Variants in SIDT2 observed in about 807,000 individuals in gnomAD.
SIDT2 encodes the protein SID1 transmembrane family, member 2.
In SIDT2, 68 loss-of-function variants were observed where a neutral mutation model predicts 114.4. The observed-to-expected ratio is 0.59, with a 90% CI of 0.49 to 0.73. The LOEUF (loss-of-function observed/expected upper bound fraction) is 0.73, where lower values mean the gene tolerates loss of function less well. Among genes scored for constraint, SIDT2 ranks in the 30% least tolerant of loss-of-function variants. The pLI, the probability that SIDT2 is intolerant of heterozygous loss-of-function variation, is 0.00. For synonymous variants in SIDT2, 470 were observed against 438.4 expected, an observed-to-expected ratio of 1.07 and a Z score of -0.90; for missense variants, 918 against 1,097.1, an observed-to-expected ratio of 0.84 and a Z score of 2.31.
chr11:117,183,817 G>C lies in SIDT2; in HGVS notation c.741G>C (p.Val247=), dbSNP rs1308635683. 6.2e-7 allele frequency: 1 copy of C among 1,614,002 alleles called. No individual in the cohort carries two copies. The highest frequency in any genetic ancestry group is 8.5e-7 in the Non-Finnish European group (1 of 1,179,982). Residue 247 remains valine, a synonymous_variant, in exon 7 of 26, where the codon GTG becomes GTC. Coordinates refer to ENST00000324225, the MANE Select transcript of SIDT2 (RefSeq NM_001040455.2). ...DFPSNSFYVV[V]VVKTEDQACG... ...CCAGCAACAGCTTTTATGTGGTGGT[G>C]GTGGTGAAGACCGAAGACCAAGCCT...
At position 117,192,520 on chromosome 11, in the gene SIDT2, T is replaced by C. The variant is rs1400519470; in HGVS notation, c.1982-54T>C. ...CTCCTCAGCTGGCACATCCCAGGGG[T>C]CCAGCAAAGGAGGGTGCCCCGTGCC... On this transcript the variant is annotated intron_variant, in intron 20 of 25. Coordinates refer to ENST00000324225, the MANE Select transcript of SIDT2 (RefSeq NM_001040455.2). The surrounding 1 kb of genome is among the most constrained non-coding windows in gnomAD (Gnocchi z 5.9). 6 of 1,591,636 alleles carry C rather than the reference T, an allele frequency of 3.8e-6. No individual in the cohort carries two copies. The Admixed American group carries it at 8.3e-5, about 22-fold the overall frequency.
rs1311677215 is a variant in SIDT2, at chr11:117,193,927, G to A, written c.2286G>A (p.Ala762=). 19 of 1,613,910 alleles carry A rather than the reference G, an allele frequency of 1.2e-5. No individual in the cohort carries two copies. Among genetic ancestry groups the A allele is most frequent in the East Asian group, 4.5e-5 (2 of 44,878 alleles). The stretch of plus-strand genomic sequence containing the variant: ...GCACCTCCGTGGTCTGGGGCTTCGC[G>A]CTCTTCTTCTTCTTCCAGGGACTCA... ...IVCTSVVWGF[A]LFFFFQGLST... Residue 762 remains alanine (A), a synonymous_variant, in exon 24 of 26, where the codon GCG becomes GCA. Coordinates refer to ENST00000324225, the MANE Select transcript of SIDT2 (RefSeq NM_001040455.2).
Position 117,192,106 on chromosome 11 carries a change from A to G in SIDT2, c.1872+92A>G, listed in dbSNP as rs1056410727. The G allele has an allele frequency of 1.2e-5, 19 of 1,583,082 alleles. No individual in the cohort carries two copies. Among genetic ancestry groups the G allele is most frequent in the Admixed American group, 5.1e-5 (3 of 58,848 alleles). ...GTGCACACCCTCCGCCACCTCCTGC[A>G]TGAGAGATTCCTGCTCCTTCCCTGA... is the stretch of plus-strand genomic sequence containing the variant. On this transcript the variant is annotated intron_variant, in intron 19 of 25. Transcript: ENST00000324225. The surrounding 1 kb of genome is among the most constrained non-coding windows in gnomAD (Gnocchi z 5.9).
intron 4 of SIDT2, 63 bp from the exon 5 acceptor site, chr11:117,182,456 T>A: frequency 1.4e-6 from 2 of 1,467,948 alleles, no homozygotes; most frequent in Middle Eastern, 1.7e-4. Flanking sequence ...ACTATTCCCT[T>A]CTAGAGGGGC....
At position 117,190,877 on chromosome 11, in the gene SIDT2, A is replaced by G. The variant is rs1276406810; in HGVS notation, c.1735+137A>G. On this transcript the variant is annotated intron_variant, in intron 18 of 25. Coordinates refer to ENST00000324225, the MANE Select transcript of SIDT2 (RefSeq NM_001040455.2). The surrounding 1 kb of genome is among the most constrained non-coding windows in gnomAD (Gnocchi z 4.1). Reference sequence around the variant, plus strand: ...CCAAGGCTGGCGTGCCTGGGTGTGCACACATCCTAGCCTATGGAACATGGG... The same window carrying G: ...CCAAGGCTGGCGTGCCTGGGTGTGCGCACATCCTAGCCTATGGAACATGGG... 5 of 672,660 alleles carry G rather than the reference A, an allele frequency of 7.4e-6. No individual in the cohort carries two copies. The East Asian group carries it at 1.3e-4, about 17-fold the overall frequency. The allele number at this position is 672,660 out of a possible 1,614,324, so 41.7% of individuals were successfully genotyped here. A position where few individuals can be genotyped will look rare whatever the true frequency, so the allele number is the denominator to read the frequency against.
At chr11:117,191,060 G>GCCCA in intron 18 of SIDT2, 1 of 190,622 alleles carries the variant, frequency 5.2e-6, no homozygotes, top group East Asian at 1.4e-4. Context: ...GATGGATCAC[G>GCCCA]AGGTCAGGAG....
In SIDT2 at chr11:117,192,233, C is replaced by T. The variant is rs758833719; in HGVS notation, c.1873-21C>T. ...ACTTCCCTCTCCACCCTCACCGCTG[C>T]CCTTGGTGGCCTCCCGACAGGTCTT... On this transcript the variant is annotated intron_variant, in intron 19 of 25. Coordinates refer to ENST00000324225, the MANE Select transcript of SIDT2 (RefSeq NM_001040455.2). The surrounding 1 kb of genome is among the most constrained non-coding windows in gnomAD (Gnocchi z 5.9). 1 of 1,527,700 alleles carries T rather than the reference C, an allele frequency of 6.5e-7. No homozygotes were observed. Among genetic ancestry groups the T allele is most frequent in the Non-Finnish European group, 9.1e-7 (1 of 1,101,536 alleles). 94.6% of individuals were successfully genotyped at this position (1,527,700 alleles called of 1,614,324 possible).
At chr11:117,183,179 A>C (rs541816049) in intron 6 of SIDT2, among the ~76,000 whole-genome samples, 1 of 152,184 alleles carries the variant, frequency 6.6e-6, no homozygotes, top group East Asian at 1.9e-4. Context: ...CCCCGTCTCT[A>C]CTAAAAATAC....
At position 117,193,133 on chromosome 11, in the gene SIDT2, C is replaced by T; in HGVS notation, c.2106-20C>T. On this transcript the variant is annotated intron_variant, in intron 22 of 25. Coordinates refer to ENST00000324225, the MANE Select transcript of SIDT2 (RefSeq NM_001040455.2). ...TGCCCTTGGGCTTCCTGCTTCACCACCCTTCATCCCTCTTGCCAGGGCTGC... is the reference window on the plus strand; with the variant it reads ...TGCCCTTGGGCTTCCTGCTTCACCATCCTTCATCCCTCTTGCCAGGGCTGC... 3 of 1,612,740 alleles carry T rather than the reference C, an allele frequency of 1.9e-6. No individual in the cohort carries two copies. The highest frequency in any genetic ancestry group is 1.7e-6 in the Non-Finnish European group (2 of 1,178,720).
At chr11:117,181,035 T>A (rs1225959554) in intron 1 of SIDT2, among the ~76,000 whole-genome samples, 1 of 152,152 alleles carries the variant, frequency 6.6e-6, no homozygotes, top group Non-Finnish European at 1.5e-5. Flanking sequence ...CACTTCTTGT[T>A]CTCCTGTGTC....
chr11:117,188,980 C>A lies in SIDT2; in HGVS notation c.1278+154C>A. On this transcript the variant is annotated intron_variant, in intron 13 of 25. Transcript: ENST00000324225. The surrounding 1 kb of genome is among the most constrained non-coding windows in gnomAD (Gnocchi z 4.0). The stretch of plus-strand genomic sequence containing the variant: ...CAGATGCCGGGGAAACTAACCTGAC[C>A]TCCAACCCCTTCCGGCCTGATTGGC... 1.0e-6 allele frequency: 1 copy of A among 977,040 alleles called. No homozygotes were observed. Among genetic ancestry groups the A allele is most frequent in the South Asian group, 1.4e-5 (1 of 70,374 alleles). 60.5% of individuals were successfully genotyped at this position (977,040 alleles called of 1,614,324 possible). A position where few individuals can be genotyped will look rare whatever the true frequency, so the allele number is the denominator to read the frequency against.
chr11:117,187,817 C>T (rs2030557241), intron 12 of SIDT2, 118 bp downstream of exon 12: 1 of 939,928 alleles, frequency 1.1e-6, no homozygotes, highest in Non-Finnish European at 1.7e-6. Flanking sequence ...GGCCTGCTGT[C>T]TTCCTAACCC....
chr11:117,179,257 C>T lies in SIDT2; in HGVS notation c.-7C>T. The T allele has an allele frequency of 1.2e-6, 2 of 1,606,504 alleles. No individual in the cohort carries two copies. Among genetic ancestry groups the T allele is most frequent in the East Asian group, 2.2e-5 (1 of 44,724 alleles). The stretch of plus-strand genomic sequence containing the variant: ...ACCACCGCTGCCACTGCCGCCCTGC[C>T]GGGGCCATGTTCGCTCTGGGCTTGC... On this transcript the variant is annotated 5_prime_UTR_variant, in exon 1 of 26. Coordinates refer to ENST00000324225, the MANE Select transcript of SIDT2 (RefSeq NM_001040455.2).
chr11:117,188,240 A>AT lies in SIDT2; in HGVS notation c.1160-466dup, dbSNP rs370961754. ...GAGGGCTCACAGGCATGGGGGTCACATTCTGGCCTCTGGATAAAGGAGAAA... is the reference window on the plus strand; with the variant it reads ...GAGGGCTCACAGGCATGGGGGTCACATTTCTGGCCTCTGGATAAAGGAGAAA... On this transcript the variant is annotated intron_variant, in intron 12 of 25. Coordinates refer to ENST00000324225, the MANE Select transcript of SIDT2 (RefSeq NM_001040455.2). This position sits in a 1 kb window ranked among gnomAD's most constrained non-coding sequence, Gnocchi z 4.0. 199 of 341,536 alleles carry AT rather than the reference A, an allele frequency of 5.8e-4. No individual in the cohort carries two copies. The highest frequency in any genetic ancestry group is 3.9e-3 in the African/African-American group (183 of 46,730). 21.2% of individuals were successfully genotyped at this position (341,536 alleles called of 1,614,324 possible). A position where few individuals can be genotyped will look rare whatever the true frequency, so the allele number is the denominator to read the frequency against.
intron 24 of SIDT2, among the ~76,000 whole-genome samples, chr11:117,195,367 T>A (rs1191162506): frequency 6.6e-6 from 1 of 152,140 alleles, no homozygotes; most frequent in Non-Finnish European, 1.5e-5. Flanking sequence ...AGGTTATGGC[T>A]ACTGTCCCGG....
chr11:117,187,145 C>A, intron 10 of SIDT2: 1 of 1,224,214 alleles, frequency 8.2e-7, no homozygotes, highest in Non-Finnish European at 1.2e-6. Context: ...CTTGAACTTT[C>A]TCTCTCCTTA....
chr11:117,188,048 A>C lies in SIDT2; in HGVS notation c.1159+349A>C. 2 of 517,414 alleles carry C rather than the reference A, an allele frequency of 3.9e-6. 1 individual carries two copies. 32.1% of individuals were successfully genotyped at this position (517,414 alleles called of 1,614,324 possible). ...GTGGGGCCAGAAAGATTCTATGTGCATGGCTTCCCCATGTAATTCCAGTAA... is the reference window on the plus strand; with the variant it reads ...GTGGGGCCAGAAAGATTCTATGTGCCTGGCTTCCCCATGTAATTCCAGTAA... On this transcript the variant is annotated intron_variant, in intron 12 of 25. Transcript: ENST00000324225. The surrounding 1 kb of genome is among the most constrained non-coding windows in gnomAD (Gnocchi z 4.0).
chr11:117,193,144 T>C lies in SIDT2; in HGVS notation c.2106-9T>C, dbSNP rs751005946. 9.9e-6 allele frequency: 16 copies of C among 1,614,014 alleles called. No homozygotes were observed. The highest frequency in any genetic ancestry group is 1.6e-4 in the Middle Eastern group (1 of 6,084). On this transcript the variant is annotated splice_polypyrimidine_tract_variant and intron_variant, in intron 22 of 25. Transcript: ENST00000324225. ...TTCCTGCTTCACCACCCTTCATCCC[T>C]CTTGCCAGGGCTGCCTATGGGCTTA...
In SIDT2 at chr11:117,190,516, C is replaced by G; in HGVS notation, c.1618-107C>G. 1.1e-6 allele frequency: 1 copy of G among 919,192 alleles called. No homozygotes were observed. The highest frequency in any genetic ancestry group is 1.5e-5 in the South Asian group (1 of 64,610). 56.9% of individuals were successfully genotyped at this position (919,192 alleles called of 1,614,324 possible). On this transcript the variant is annotated intron_variant, in intron 17 of 25. Transcript: ENST00000324225. This position sits in a 1 kb window ranked among gnomAD's most constrained non-coding sequence, Gnocchi z 4.1. ...CCTGCACACCCACACTCGACACATACCCCACCCCTTTTCCTCTTCCACTCC... is the reference window on the plus strand; with the variant it reads ...CCTGCACACCCACACTCGACACATAGCCCACCCCTTTTCCTCTTCCACTCC...
Sources: gnomAD v4.1 joint callset for allele counts (sites outside exome capture counted in the v4.1 genomes callset) on GRCh38, gnomAD v4.1.1 for gene constraint, Gnocchi (gnomAD v3.1) non-coding constraint, MANE v1.5 for transcripts, NCBI Gene and HGNC (gene_info 2026-07-23, HGNC 2026-07-21) for gene names.